Variants in ZMIZ1 observed in about 807,000 individuals in gnomAD.
The protein encoded by ZMIZ1 is zinc finger MIZ-type containing 1.
Under a neutral mutation model 113.9 loss-of-function variants are expected in ZMIZ1, and 17 were observed. The ratio of observed to expected loss-of-function variants is 0.15; its 90% CI spans 0.10 to 0.22. ZMIZ1 has a LOEUF of 0.22. ZMIZ1 is among the 10% of genes least tolerant of loss of function. ZMIZ1 has a pLI of 1.00. For missense variants in ZMIZ1, 1,059 were observed against 1,477.8 expected (o/e 0.72, Z 4.65); for synonymous variants, 607 against 603.1 (o/e 1.01, Z -0.09).
chr10:79,167,883 G>A (rs1439962882), intron 4 of ZMIZ1, among the ~76,000 whole-genome samples: 1 of 152,200 alleles, frequency 6.6e-6, no homozygotes, highest in Non-Finnish European at 1.5e-5. Context: ...GGTGCCCAAA[G>A]GTTGTGTCCT....
chr10:79,304,740 T>C (rs1454059218), intron 19 of ZMIZ1, among the ~76,000 whole-genome samples: 1 of 152,212 alleles, frequency 6.6e-6, no homozygotes, highest in Admixed American at 6.5e-5. Flanking sequence ...TCCCAAAGAA[T>C]GCTGTGGGCA....
intron 1 of ZMIZ1, among the ~76,000 whole-genome samples, chr10:79,102,963 G>A (rs1471343520): frequency 2.6e-5 from 4 of 152,212 alleles, no homozygotes; most frequent in Admixed American, 2.6e-4. Context: ...ACCCTCCTGG[G>A]GCTAACATCA....
At chr10:79,167,011 G>GC (rs1441682659) in intron 4 of ZMIZ1, among the ~76,000 whole-genome samples, 6 of 152,214 alleles carry the variant, frequency 3.9e-5, no homozygotes, top group Non-Finnish European at 8.8e-5. Flanking sequence ...CCACCGTGCT[G>GC]CCCCCCACCC....
intron 2 of ZMIZ1, among the ~76,000 whole-genome samples, chr10:79,138,822 A>G (rs549275367): frequency 1.3e-5 from 2 of 152,348 alleles, no homozygotes; most frequent in East Asian, 3.9e-4. Context: ...GAAATATATA[A>G]CTAGCCTATC....
intron 7 of ZMIZ1, among the ~76,000 whole-genome samples, chr10:79,235,848 G>C (rs1849568155): frequency 6.6e-6 from 1 of 152,250 alleles, no homozygotes; most frequent in South Asian, 2.1e-4. Flanking sequence ...GGACGCTACA[G>C]TTGGCAGGAA....
intron 12 of ZMIZ1, chr10:79,295,543 C>T (rs960335929): frequency 1.3e-5 from 2 of 152,216 alleles, no homozygotes; most frequent in African/African-American, 2.4e-5. Context: ...GCTTGGTGGG[C>T]AGGTAGGCAC....
intron 3 of ZMIZ1, among the ~76,000 whole-genome samples, chr10:79,140,703 A>G (rs1252964647): frequency 6.6e-6 from 1 of 151,604 alleles, no homozygotes; most frequent in Non-Finnish European, 1.5e-5. Context: ...CCACCCATCT[A>G]TTTACTCTTT....
intron 4 of ZMIZ1, among the ~76,000 whole-genome samples, chr10:79,173,103 G>A (rs77969702): frequency 0.08 from 12,133 of 152,212 alleles, 694 homozygotes; most frequent in Non-Finnish European, 0.12. Flanking sequence ...CCTGGGGCCT[G>A]GGCTGCTCAG....
rs201502768 is a variant in ZMIZ1, at chr10:79,208,364, A to G, written c.89A>G (p.Asn30Ser). The G allele has an allele frequency of 8.7e-6, 14 of 1,614,070 alleles. No individual in the cohort carries two copies. The highest frequency in any genetic ancestry group is 3.3e-4 in the Middle Eastern group (2 of 6,062). The change falls in exon 6 of 25, where the codon AAT becomes AGT. Residue 30 changes from asparagine (N) to serine (S), a missense_variant. By Grantham distance (46) the Asn-to-Ser change is conservative. Transcript: ENST00000334512. ...QHLQNPANFH[N>S]AATELLDWCG... is the part of the protein sequence containing the mutation. ...TTACAGAATCCTGCCAACTTCCACA[A>G]TGCCGCCACGGAGCTGCTGGACTGG...
At chr10:79,080,465 T>G (rs2132182290) in intron 1 of ZMIZ1, among the ~76,000 whole-genome samples, 1 of 152,164 alleles carries the variant, frequency 6.6e-6, no homozygotes, top group Non-Finnish European at 1.5e-5. Context: ...CACACCACCA[T>G]GCCCAGCTGA....
intron 1 of ZMIZ1, among the ~76,000 whole-genome samples, chr10:79,085,210 G>C (rs1306989965): frequency 1.3e-5 from 2 of 152,190 alleles, no homozygotes; most frequent in African/African-American, 2.4e-5. Flanking sequence ...CCAAGAGTTA[G>C]CCAAGCACAA....
intron 7 of ZMIZ1, among the ~76,000 whole-genome samples, chr10:79,240,638 CTTTTTTT>C (rs56903717): frequency 4.3e-3 from 239 of 55,332 alleles, no homozygotes; most frequent in Middle Eastern, 0.018. Context: ...GAGTATTTAT[CTTTTTTT>C]TTTTTTTTTT....
chr10:79,310,532 C>G (rs1201683934), intron 23 of ZMIZ1, among the ~76,000 whole-genome samples: 1 of 152,172 alleles, frequency 6.6e-6, no homozygotes, highest in African/African-American at 2.4e-5. Flanking sequence ...GGCAGCCGCC[C>G]TCCTGCCTCC....
chr10:79,298,658 G>T, intron 15 of ZMIZ1, 78 bp downstream of exon 15: 2 of 1,350,386 alleles, frequency 1.5e-6, no homozygotes, highest in African/African-American at 1.5e-5. Flanking sequence ...TCGCAGTCAG[G>T]CTGCCTGGGG....
chr10:79,298,978 A>G (rs1854106023), intron 15 of ZMIZ1, 72 bp from the exon 16 acceptor site: 1 of 1,532,716 alleles, frequency 6.5e-7, no homozygotes, highest in African/African-American at 1.4e-5. Flanking sequence ...AGGGTGAGCA[A>G]GTCCCACCTA....
chr10:79,185,489 A>G (rs74142327), intron 4 of ZMIZ1, among the ~76,000 whole-genome samples: 8,059 of 152,068 alleles, frequency 0.053, 282 homozygotes, highest in East Asian at 0.14. Flanking sequence ...TGGAGCCAGA[A>G]GGGAAAGGAC....
Position 79,117,912 on chromosome 10 carries a change from A to G in ZMIZ1, c.-336-1003A>G, listed in dbSNP as rs554462005. ...TTCTGAGCATGAGCTTTCCTGCTAC[A>G]CTTTTTCCACCCCAGAGGCCTCCTA... On this transcript the variant is annotated intron_variant, in intron 1 of 24. Coordinates refer to ENST00000334512, the MANE Select transcript of ZMIZ1 (RefSeq NM_020338.4). Among the ~76,000 whole-genome samples the G allele has an allele frequency of 1.7e-4, 26 of 152,292 alleles. No individual in the cohort carries two copies. The East Asian group carries it at 4.8e-3, about 28-fold the overall frequency.
chr10:79,247,366 A>G (rs1850270638), intron 7 of ZMIZ1, among the ~76,000 whole-genome samples: 1 of 152,188 alleles, frequency 6.6e-6, no homozygotes, highest in Non-Finnish European at 1.5e-5. Flanking sequence ...CTTGTTCCCC[A>G]GGATCTGATG....
intron 8 of ZMIZ1, among the ~76,000 whole-genome samples, chr10:79,280,831 A>G (rs537953338): frequency 1.3e-5 from 2 of 152,256 alleles, no homozygotes; most frequent in East Asian, 1.9e-4. Context: ...ACCCTTTGCT[A>G]AAAGCCACAG....
Sources: gnomAD v4.1 joint callset for allele counts (sites outside exome capture counted in the v4.1 genomes callset) on GRCh38, gnomAD v4.1.1 for gene constraint, MANE v1.5 for transcripts, NCBI Gene and HGNC (gene_info 2026-07-23, HGNC 2026-07-21) for gene names.